KCNG3: variants seen among roughly 807,000 people sequenced by gnomAD.
KCNG3 encodes the protein voltage-gated potassium channel regulatory subunit KCNG3.
In KCNG3, 15 loss-of-function variants were observed where a neutral mutation model predicts 29.0. That is an observed-to-expected ratio of 0.52 (90% CI 0.35 to 0.80). KCNG3 has a LOEUF of 0.80. Among genes scored for constraint, KCNG3 ranks in the 30% least tolerant of loss-of-function variants. KCNG3 has a pLI of 0.01. For synonymous variants in KCNG3, 322 were observed against 248.9 expected, an observed-to-expected ratio of 1.29 and a Z score of -2.76; for missense variants, 512 against 605.7, an observed-to-expected ratio of 0.85 and a Z score of 1.62.
the KCNG3 span, among the ~76,000 whole-genome samples, chr2:42,397,169 C>G: frequency 6.6e-6 from 1 of 151,204 alleles, no homozygotes; most frequent in Admixed American, 6.6e-5. Flanking sequence ...CGCTTAAACC[C>G]GGAGGTGGAG....
At chr2:42,483,485 T>C (rs949588512) in intron 1 of KCNG3, among the ~76,000 whole-genome samples, 2 of 152,098 alleles carry the variant, frequency 1.3e-5, no homozygotes, top group African/African-American at 4.8e-5. Context: ...CTCAGCAGAG[T>C]AGAGTGGGAG....
At chr2:42,433,451 C>T in the KCNG3 span, among the ~76,000 whole-genome samples, 1 of 152,088 alleles carries the variant, frequency 6.6e-6, no homozygotes, top group South Asian at 2.1e-4. Flanking sequence ...AACCAGTTGG[C>T]TGAAGGGCCA....
chr2:42,412,748 TTTTG>T, the KCNG3 span, among the ~76,000 whole-genome samples: 1 of 152,118 alleles, frequency 6.6e-6, no homozygotes, highest in East Asian at 1.9e-4. Context: ...TAATTGAGAA[TTTTG>T]TTTGTTGAGA....
chr2:42,429,992 G>A, the KCNG3 span, among the ~76,000 whole-genome samples: 1 of 152,154 alleles, frequency 6.6e-6, no homozygotes, highest in Admixed American at 6.5e-5. Context: ...TAACTAATGA[G>A]TCTATAAATA....
intron 1 of KCNG3, among the ~76,000 whole-genome samples, chr2:42,472,591 C>T (rs565952277): frequency 1.3e-5 from 2 of 151,722 alleles, no homozygotes; most frequent in Admixed American, 6.6e-5. Flanking sequence ...CCTCTCTCTC[C>T]TGGGTTCCAG....
chr2:42,451,495 T>G (rs1380188161), intron 1 of KCNG3, among the ~76,000 whole-genome samples: 2 of 151,760 alleles, frequency 1.3e-5, no homozygotes, highest in African/African-American at 4.8e-5. Flanking sequence ...GAGGCTGAGG[T>G]GGGTGGATCA....
chr2:42,434,063 C>A, the KCNG3 span, among the ~76,000 whole-genome samples: 2 of 152,226 alleles, frequency 1.3e-5, no homozygotes, highest in African/African-American at 2.4e-5. Context: ...AGATGCTACC[C>A]CCTAATTTAT....
In KCNG3 at chr2:42,444,615, T is replaced by G; in HGVS notation, c.666-36A>C. 6.5e-7 allele frequency: 1 copy of G among 1,546,822 alleles called. No individual in the cohort carries two copies. Among genetic ancestry groups the G allele is most frequent in the Non-Finnish European group, 8.8e-7 (1 of 1,142,188 alleles). ...AACAAAAGAAGAATTGATCATTTTA[T>G]TTTTAAGCATTTTAATAGCTCTTAG... On this transcript the variant is annotated intron_variant, in intron 1 of 1. Transcript: ENST00000306078. The surrounding 1 kb of genome is among the most constrained non-coding windows in gnomAD (Gnocchi z 5.8).
the KCNG3 span, among the ~76,000 whole-genome samples, chr2:42,429,217 A>T: frequency 3.3e-5 from 5 of 152,048 alleles, no homozygotes; most frequent in Non-Finnish European, 7.3e-5. Flanking sequence ...AAAATGTCCT[A>T]ACAGTTGGGG....
At chr2:42,455,249 G>A (rs1350335311) in intron 1 of KCNG3, among the ~76,000 whole-genome samples, 2 of 152,124 alleles carry the variant, frequency 1.3e-5, no homozygotes, top group Admixed American at 6.6e-5. Flanking sequence ...CTACAGGTGT[G>A]AGCCACCACG....
At chr2:42,393,208 T>C in the KCNG3 span, among the ~76,000 whole-genome samples, 4 of 151,724 alleles carry the variant, frequency 2.6e-5, no homozygotes, top group Non-Finnish European at 5.9e-5. Context: ...TAAGTGATTA[T>C]TATGATAAAA....
chr2:42,456,948 A>AG (rs772439429), intron 1 of KCNG3, among the ~76,000 whole-genome samples: 4 of 152,294 alleles, frequency 2.6e-5, no homozygotes, highest in Non-Finnish European at 4.4e-5. Flanking sequence ...TTTTTTTGAG[A>AG]GGAAAAAAAC....
At chr2:42,472,030 A>C (rs928734543) in intron 1 of KCNG3, among the ~76,000 whole-genome samples, 12 of 152,222 alleles carry the variant, frequency 7.9e-5, no homozygotes, top group Admixed American at 1.3e-4. Context: ...ACTGTTAAGA[A>C]TATAAATCAG....
intron 1 of KCNG3, among the ~76,000 whole-genome samples, chr2:42,486,210 C>T (rs111505384): frequency 0.038 from 5,727 of 152,252 alleles, 125 homozygotes; most frequent in Middle Eastern, 0.082. Flanking sequence ...TGGGCCCTAG[C>T]ACAGCTTCAC....
the KCNG3 span, among the ~76,000 whole-genome samples, chr2:42,419,649 C>T: frequency 1.2e-4 from 18 of 152,168 alleles, no homozygotes; most frequent in Admixed American, 9.2e-4. Context: ...AAAGCCCAAC[C>T]TTAGCACTCA....
At chr2:42,430,776 CAAAA>C in the KCNG3 span, among the ~76,000 whole-genome samples, 2 of 151,564 alleles carry the variant, frequency 1.3e-5, no homozygotes, top group Non-Finnish European at 2.9e-5. Context: ...AACAAACAAA[CAAAA>C]AAACAAACCA....
the KCNG3 span, among the ~76,000 whole-genome samples, chr2:42,425,257 G>T: frequency 6.6e-6 from 1 of 151,580 alleles, no homozygotes; most frequent in African/African-American, 2.4e-5. Flanking sequence ...AAAAATTAGC[G>T]GGGCGTGGTG....
chr2:42,467,667 CAAA>C (rs58517605), intron 1 of KCNG3, among the ~76,000 whole-genome samples: 1 of 120,472 alleles, frequency 8.3e-6, no homozygotes, highest in Non-Finnish European at 1.8e-5. Flanking sequence ...GACTCTGTTT[CAAA>C]AAAAAAAAAA....
At chr2:42,400,198 C>A in the KCNG3 span, among the ~76,000 whole-genome samples, 1 of 152,006 alleles carries the variant, frequency 6.6e-6, no homozygotes. Flanking sequence ...GCAAAGGGAA[C>A]CCAGTAGAAA....
Sources: allele counts gnomAD v4.1 joint callset (sites outside exome capture counted in the v4.1 genomes callset), GRCh38; gene constraint gnomAD v4.1.1; non-coding constraint Gnocchi (gnomAD v3.1); transcripts MANE v1.5; gene names NCBI Gene and HGNC (gene_info 2026-07-23, HGNC 2026-07-21).